HPSE2: variants seen among roughly 807,000 people sequenced by gnomAD.
The protein encoded by HPSE2 is inactive heparanase-2.
A neutral mutation model predicts 60.5 loss-of-function variants in HPSE2; 38 were observed. That is an observed-to-expected ratio of 0.63 (90% CI 0.48 to 0.82). The LOEUF (loss-of-function observed/expected upper bound fraction) is 0.82, where lower values mean the gene tolerates loss of function less well. HPSE2 is among the 40% of genes least tolerant of loss of function. HPSE2 has a pLI of 0.00. For missense variants in HPSE2, 713 were observed against 740.4 expected (o/e 0.96, Z 0.43); for synonymous variants, 295 against 293.2 (o/e 1.01, Z -0.06).
intron 3 of HPSE2, among the ~76,000 whole-genome samples, chr10:99,121,157 T>G (rs1002935680): frequency 2.0e-5 from 3 of 152,184 alleles, no homozygotes; most frequent in African/African-American, 7.2e-5. Context: ...TGGATGGAGC[T>G]GGAGGCCATC....
chr10:99,002,071 T>A (rs1222867483), intron 3 of HPSE2, among the ~76,000 whole-genome samples: 1 of 151,974 alleles, frequency 6.6e-6, no homozygotes, highest in Non-Finnish European at 1.5e-5. Flanking sequence ...TCAACAAAAA[T>A]CTGCAATGAG....
At chr10:98,606,866 T>C (rs1345315323) in intron 9 of HPSE2, among the ~76,000 whole-genome samples, 2 of 152,224 alleles carry the variant, frequency 1.3e-5, no homozygotes, top group Non-Finnish European at 2.9e-5. Context: ...ATCTTGGTTC[T>C]ATCAGCGGCT....
chr10:98,476,226 A>G (rs1291596608), intron 11 of HPSE2, among the ~76,000 whole-genome samples: 24 of 147,642 alleles, frequency 1.6e-4, no homozygotes, highest in Non-Finnish European at 2.4e-4. Context: ...CACAAGGACA[A>G]AAAACCAAAC....
intron 7 of HPSE2, among the ~76,000 whole-genome samples, chr10:98,622,017 C>A (rs1946088466): frequency 6.6e-6 from 1 of 152,170 alleles, no homozygotes; most frequent in Admixed American, 6.5e-5. Context: ...ACATACACAC[C>A]AAAGAAATTC....
rs376267134 is a variant in HPSE2, at chr10:98,649,233, AATT to A, written c.1005-7296_1005-7294del. On this transcript the variant is annotated intron_variant, in intron 6 of 11. Transcript: ENST00000370552. Reference sequence around the variant, plus strand: ...TGGCAGAATAGCACAACTGAACTATAATTAAGTTAGTATATTACTAACTAGGAG... The same window carrying A: ...TGGCAGAATAGCACAACTGAACTATAAAGTTAGTATATTACTAACTAGGAG... Among the ~76,000 whole-genome samples, 12 of 152,328 alleles carry A rather than the reference AATT, an allele frequency of 7.9e-5. No homozygotes were observed. The East Asian group carries it at 2.3e-3, about 29-fold the overall frequency.
intron 9 of HPSE2, among the ~76,000 whole-genome samples, chr10:98,545,333 C>T (rs1377000402): frequency 2.0e-5 from 3 of 152,020 alleles, no homozygotes; most frequent in Non-Finnish European, 2.9e-5. Context: ...ATACCAAAGC[C>T]GGGCAGAGAC....
At chr10:98,719,515 G>A (rs932264066) in intron 5 of HPSE2, among the ~76,000 whole-genome samples, 2 of 151,752 alleles carry the variant, frequency 1.3e-5, no homozygotes, top group African/African-American at 4.8e-5. Flanking sequence ...GTATAAAAGA[G>A]TAGGGTATCT....
Position 99,021,675 on chromosome 10 carries a change from A to G in HPSE2, c.610+122563T>C, listed in dbSNP as rs143037870. Among the ~76,000 whole-genome samples the G allele has an allele frequency of 2.6e-5, 4 of 152,258 alleles. No homozygotes were observed. The East Asian group carries it at 7.7e-4, about 29-fold the overall frequency. On this transcript the variant is annotated intron_variant, in intron 3 of 11. Coordinates refer to ENST00000370552, the MANE Select transcript of HPSE2 (RefSeq NM_021828.5). ...TAGTGGTATAATGCAAGTCCTTTCC[A>G]ATTTCTTCTCTGATGTCCTTAGAAC... is the stretch of plus-strand genomic sequence containing the variant.
intron 3 of HPSE2, among the ~76,000 whole-genome samples, chr10:98,900,869 C>G (rs1387138840): frequency 3.3e-5 from 5 of 152,122 alleles, no homozygotes; most frequent in Admixed American, 3.3e-4. Context: ...TGAAGAGAAA[C>G]AAACACATAT....
intron 3 of HPSE2, among the ~76,000 whole-genome samples, chr10:98,834,780 T>G (rs1211400931): frequency 6.6e-6 from 1 of 152,110 alleles, no homozygotes; most frequent in South Asian, 2.1e-4. Context: ...AGATTGAATG[T>G]AAAAGCAGAT....
chr10:98,957,692 C>T (rs3897504), intron 3 of HPSE2, among the ~76,000 whole-genome samples: 5 of 152,124 alleles, frequency 3.3e-5, no homozygotes, highest in East Asian at 1.9e-4. Flanking sequence ...CTCTCTCTCC[C>T]GACTTCCTTA....
intron 3 of HPSE2, among the ~76,000 whole-genome samples, chr10:99,040,731 A>C (rs1483939776): frequency 6.6e-6 from 1 of 152,194 alleles, no homozygotes; most frequent in Admixed American, 6.5e-5. Flanking sequence ...TAGATTCTTA[A>C]TTCATCTGGA....
chr10:98,614,701 A>ATGTGTGTGTGTGTGTGTGTGTG (rs141443710), intron 9 of HPSE2, among the ~76,000 whole-genome samples: 14 of 149,018 alleles, frequency 9.4e-5, no homozygotes, highest in African/African-American at 3.4e-4. Context: ...GAGTGAACAG[A>ATGTGTGTGTGTGTGTGTGTGTG]TGTGTGTGTG....
chr10:99,312,013 C>A, the HPSE2 span, among the ~76,000 whole-genome samples: 1 of 152,192 alleles, frequency 6.6e-6, no homozygotes, highest in Non-Finnish European at 1.5e-5. Flanking sequence ...TAATCCAGAG[C>A]AAGGCCCTAG....
rs1276747268 is a variant in HPSE2 at position 99,155,701 on chromosome 10, C to T, written c.449-11302G>A. Among the ~76,000 whole-genome samples the T allele has an allele frequency of 4.8e-4, 72 of 150,050 alleles. 1 individual carries two copies. The South Asian group carries it at 0.013, about 26-fold the overall frequency. ...ACATCACAATTAAAAGAACTAGAAA[C>T]GCAAGAGCAAACACATTCAAAAGCT... On this transcript the variant is annotated intron_variant, in intron 2 of 11. Coordinates refer to ENST00000370552, the MANE Select transcript of HPSE2 (RefSeq NM_021828.5).
intron 3 of HPSE2, among the ~76,000 whole-genome samples, chr10:98,789,110 A>T (rs1227177348): frequency 6.6e-6 from 1 of 152,124 alleles, no homozygotes; most frequent in Non-Finnish European, 1.5e-5. Context: ...AGAAATTTGT[A>T]TCTGTTTGGT....
intron 3 of HPSE2, among the ~76,000 whole-genome samples, chr10:98,864,476 C>T (rs765616912): frequency 2.0e-5 from 3 of 152,072 alleles, no homozygotes; most frequent in Non-Finnish European, 2.9e-5. Context: ...ATATATGGGC[C>T]AAGGAACTTT....
chr10:98,875,133 C>A (rs981067081), intron 3 of HPSE2, among the ~76,000 whole-genome samples: 1 of 151,918 alleles, frequency 6.6e-6, no homozygotes, highest in African/African-American at 2.4e-5. Flanking sequence ...GAAGCAAGAG[C>A]AAAGTGATCC....
intron 2 of HPSE2, among the ~76,000 whole-genome samples, chr10:99,215,952 A>G (rs190725121): frequency 2.6e-5 from 4 of 152,346 alleles, no homozygotes; most frequent in Non-Finnish European, 5.9e-5. Flanking sequence ...AATAAGACAA[A>G]TACTTGTAAA....
Sources: allele counts gnomAD v4.1 joint callset (sites outside exome capture counted in the v4.1 genomes callset), GRCh38; gene constraint gnomAD v4.1.1; transcripts MANE v1.5; gene names NCBI Gene and HGNC (gene_info 2026-07-23, HGNC 2026-07-21).